The following GLIS3 variants were observed in gnomAD, a reference collection of about 807,000 sequenced individuals.
GLIS3 encodes the protein zinc finger protein GLIS3.
In GLIS3, 53 loss-of-function variants were observed where a neutral mutation model predicts 78.6. That is an observed-to-expected ratio of 0.67 (90% CI 0.54 to 0.85). GLIS3 has a LOEUF of 0.85. Ranked by LOEUF, GLIS3 falls within the 40% of genes least tolerant of loss-of-function variation. The pLI is 0.00. For missense variants in GLIS3, 1,703 were observed against 1,231.1 expected (o/e 1.38, Z -5.74); for synonymous variants, 684 against 509.9 (o/e 1.34, Z -4.60).
intron 2 of GLIS3, among the ~76,000 whole-genome samples, chr9:4,219,924 C>T (rs1039872421): frequency 6.6e-6 from 1 of 152,144 alleles, no homozygotes; most frequent in South Asian, 2.1e-4. Flanking sequence ...TTCTAAATAC[C>T]ACTGTCCACT....
intron 9 of GLIS3, among the ~76,000 whole-genome samples, chr9:3,840,285 A>G (rs1241671206): frequency 2.0e-5 from 3 of 152,226 alleles, no homozygotes; most frequent in Non-Finnish European, 4.4e-5. Context: ...GTATAAAATC[A>G]TACTGCTCTT....
At chr9:4,398,430 C>T in the GLIS3 span, among the ~76,000 whole-genome samples, 1 of 151,980 alleles carries the variant, frequency 6.6e-6, no homozygotes, top group Non-Finnish European at 1.5e-5. Flanking sequence ...ATTCAAGTGT[C>T]CTCTACCACT....
At chr9:4,187,270 T>C (rs1166614960) in intron 2 of GLIS3, among the ~76,000 whole-genome samples, 3 of 152,218 alleles carry the variant, frequency 2.0e-5, no homozygotes, top group Admixed American at 6.5e-5. Flanking sequence ...CCCCATTGCT[T>C]GTTTTTCTCA....
At chr9:4,025,759 G>C (rs1053873331) in intron 4 of GLIS3, among the ~76,000 whole-genome samples, 2 of 152,138 alleles carry the variant, frequency 1.3e-5, no homozygotes, top group African/African-American at 4.8e-5. Context: ...TAAGGACAGA[G>C]GATAGGCCAC....
intron 9 of GLIS3, among the ~76,000 whole-genome samples, chr9:3,850,779 T>C (rs1819380694): frequency 6.6e-6 from 1 of 152,206 alleles, no homozygotes; most frequent in Non-Finnish European, 1.5e-5. Flanking sequence ...AGCCATCCCT[T>C]TGACTCTTCC....
chr9:3,855,574 G>A (rs986020221), intron 9 of GLIS3: 6 of 240,052 alleles, frequency 2.5e-5, no homozygotes, highest in South Asian at 1.2e-4. Context: ...GATCAGGAAG[G>A]GCTTCAGAGA....
At chr9:4,122,160 G>A (rs1451565620) in intron 3 of GLIS3, among the ~76,000 whole-genome samples, 2 of 152,234 alleles carry the variant, frequency 1.3e-5, no homozygotes, top group Non-Finnish European at 2.9e-5. Context: ...TAACTTGTAT[G>A]GGGCCATAAG....
chr9:4,175,624 G>A (rs2131148414), intron 2 of GLIS3, among the ~76,000 whole-genome samples: 1 of 152,224 alleles, frequency 6.6e-6, no homozygotes, highest in East Asian at 1.9e-4. Flanking sequence ...CTATCCTTCT[G>A]GGACTAAACT....
rs369063136 is a variant in GLIS3, at chr9:3,905,140, A to ATTTTT, written c.1984-6310_1984-6306dup. On this transcript the variant is annotated intron_variant, in intron 6 of 10. Transcript: ENST00000381971. Reference sequence around the variant, plus strand: ...GGCGCCTGCCGCCACGCCCGGTTAAATTTTTTTCTTTTTTTTTTTTTTGCT... The same window carrying ATTTTT: ...GGCGCCTGCCGCCACGCCCGGTTAAATTTTTTTTTTTTCTTTTTTTTTTTTTTGCT... Among the ~76,000 whole-genome samples, 59 of 109,088 alleles carry ATTTTT rather than the reference A, an allele frequency of 5.4e-4. 1 individual carries two copies. The highest frequency in any genetic ancestry group is 8.9e-4 in the Non-Finnish European group (49 of 55,328). The allele number at this position is 109,088 out of a possible 152,430, so 71.6% of individuals were successfully genotyped here.
intron 9 of GLIS3, among the ~76,000 whole-genome samples, chr9:3,846,007 T>G (rs1318791400): frequency 1.3e-5 from 2 of 152,192 alleles, no homozygotes; most frequent in Admixed American, 6.5e-5. Flanking sequence ...ATAGTGTTGT[T>G]ATGGAGGATT....
At chr9:3,943,008 A>G (rs1226092588) in intron 4 of GLIS3, among the ~76,000 whole-genome samples, 1 of 152,178 alleles carries the variant, frequency 6.6e-6, no homozygotes. Context: ...AATAGGAAAA[A>G]AAAAAAGTAG....
At chr9:4,123,748 G>A (rs1360579853) in intron 3 of GLIS3, 3 of 397,842 alleles carry the variant, frequency 7.5e-6, no homozygotes, top group African/African-American at 2.1e-5. Flanking sequence ...TAACTGGAAG[G>A]ATGTATATCA....
chr9:3,949,963 A>T (rs1046067409), intron 4 of GLIS3, among the ~76,000 whole-genome samples: 4 of 152,146 alleles, frequency 2.6e-5, no homozygotes, highest in Non-Finnish European at 5.9e-5. Flanking sequence ...CCTATTCAAC[A>T]TCTCTACACT....
chr9:4,101,525 A>G (rs1830370226), intron 4 of GLIS3, among the ~76,000 whole-genome samples: 1 of 152,216 alleles, frequency 6.6e-6, no homozygotes, highest in Non-Finnish European at 1.5e-5. Context: ...CCCAAAACTC[A>G]GTCTAGATTC....
intron 2 of GLIS3, among the ~76,000 whole-genome samples, chr9:4,164,506 G>A (rs1044832350): frequency 2.6e-5 from 4 of 152,164 alleles, no homozygotes; most frequent in Non-Finnish European, 4.4e-5. Flanking sequence ...GGGATAAGAG[G>A]TAGGATTAAC....
intron 2 of GLIS3, among the ~76,000 whole-genome samples, chr9:4,190,353 G>A (rs921544295): frequency 6.6e-6 from 1 of 152,078 alleles, no homozygotes; most frequent in Non-Finnish European, 1.5e-5. Flanking sequence ...TGATGGAGCT[G>A]AAAGTCAAGG....
chr9:3,951,870 A>ACG (rs1554654378), intron 4 of GLIS3, among the ~76,000 whole-genome samples: 2 of 150,080 alleles, frequency 1.3e-5, no homozygotes, highest in East Asian at 3.9e-4. Flanking sequence ...ACACACACAC[A>ACG]CACACACACA....
At chr9:4,132,551 A>G (rs1833057178) in intron 2 of GLIS3, among the ~76,000 whole-genome samples, 1 of 151,984 alleles carries the variant, frequency 6.6e-6, no homozygotes, top group Non-Finnish European at 1.5e-5. Flanking sequence ...GCAACCAACA[A>G]TAACGTTATT....
chr9:3,862,778 C>T (rs529417365), intron 8 of GLIS3, among the ~76,000 whole-genome samples: 3 of 152,202 alleles, frequency 2.0e-5, no homozygotes, highest in South Asian at 2.1e-4. Context: ...TCTTCCACGG[C>T]GGCTACAGAC....
Sources: allele counts gnomAD v4.1 joint callset (sites outside exome capture counted in the v4.1 genomes callset), GRCh38; gene constraint gnomAD v4.1.1; transcripts MANE v1.5; gene names NCBI Gene and HGNC (gene_info 2026-07-23, HGNC 2026-07-21).